The following TFB1M variants were observed in gnomAD, a reference collection of about 807,000 sequenced individuals.
TFB1M encodes the protein transcription factor B1, mitochondrial, also known as dimethyladenosine transferase 1, mitochondrial.
In TFB1M, 27 loss-of-function variants were observed where a neutral mutation model predicts 31.1. The observed-to-expected ratio is 0.87, with a 90% CI of 0.64 to 1.20. The LOEUF is 1.20. Among genes scored for constraint, TFB1M ranks in the 50% most tolerant of loss-of-function variants. The pLI, the probability that TFB1M is intolerant of heterozygous loss-of-function variation, is 0.00. For synonymous variants in TFB1M, 166 were observed against 151.8 expected (o/e 1.09, Z -0.69); for missense variants, 394 against 418.7 (o/e 0.94, Z 0.51).
At chr6:155,243,566 G>C in the TFB1M span, among the ~76,000 whole-genome samples, 1 of 152,146 alleles carries the variant, frequency 6.6e-6, no homozygotes, top group Non-Finnish European at 1.5e-5. Context: ...TTCAACAAAG[G>C]CTGGGTGTGG....
chr6:155,304,651 G>A (rs1297807806), intron 2 of TFB1M, among the ~76,000 whole-genome samples: 1 of 151,994 alleles, frequency 6.6e-6, no homozygotes, highest in African/African-American at 2.4e-5. Flanking sequence ...AGAGAAAAAA[G>A]AACAAAGGTA....
the TFB1M span, among the ~76,000 whole-genome samples, chr6:155,230,119 C>G: frequency 6.6e-6 from 1 of 152,004 alleles, no homozygotes; most frequent in Non-Finnish European, 1.5e-5. Flanking sequence ...CATGCTGTCA[C>G]CTGTAAGCTG....
intron 5 of TFB1M, among the ~76,000 whole-genome samples, chr6:155,283,773 T>C (rs1250169804): frequency 1.3e-5 from 2 of 152,222 alleles, no homozygotes; most frequent in African/African-American, 2.4e-5. Flanking sequence ...TAATGAGTCT[T>C]ACACTATTTA....
At chr6:155,298,378 A>G in intron 3 of TFB1M, 99 bp downstream of exon 3, 1 of 701,674 alleles carries the variant, frequency 1.4e-6, no homozygotes, top group Non-Finnish European at 2.5e-6. Context: ...TTTAAAATAT[A>G]AACATATAAG....
intron 5 of TFB1M, among the ~76,000 whole-genome samples, chr6:155,267,026 G>C (rs1784682189): frequency 6.8e-6 from 1 of 147,316 alleles, no homozygotes; most frequent in Non-Finnish European, 1.5e-5. Flanking sequence ...CTGGAGTGCA[G>C]TGCAGTGGCA....
the TFB1M span, among the ~76,000 whole-genome samples, chr6:155,241,761 A>C: frequency 8.5e-5 from 13 of 152,202 alleles, no homozygotes; most frequent in African/African-American, 3.1e-4. Flanking sequence ...CTTGTCCTGC[A>C]TCCAGGGTGT....
At chr6:155,296,039 A>C (rs1343233558) in intron 4 of TFB1M, among the ~76,000 whole-genome samples, 2 of 152,048 alleles carry the variant, frequency 1.3e-5, no homozygotes, top group African/African-American at 4.8e-5. Context: ...TTAAAAAACC[A>C]CTTAAGAGTC....
chr6:155,294,082 C>G (rs1777053359), intron 4 of TFB1M, among the ~76,000 whole-genome samples: 1 of 152,102 alleles, frequency 6.6e-6, no homozygotes, highest in Admixed American at 6.5e-5. Context: ...CCAATGCTGA[C>G]AGAGGTGCTG....
chr6:155,272,389 CT>C (rs940811103), intron 5 of TFB1M, among the ~76,000 whole-genome samples: 6 of 152,198 alleles, frequency 3.9e-5, no homozygotes, highest in East Asian at 1.9e-4. Context: ...AGTTCATAAA[CT>C]GAAGGTGCCT....
the TFB1M span, chr6:155,240,739 G>T: frequency 1.3e-6 from 2 of 1,587,834 alleles, no homozygotes; most frequent in Non-Finnish European, 1.7e-6. Flanking sequence ...TTATGCATTC[G>T]TGCCTCTTTG....
chr6:155,293,820 G>A (rs977912791), intron 4 of TFB1M, among the ~76,000 whole-genome samples: 2 of 151,906 alleles, frequency 1.3e-5, no homozygotes, highest in African/African-American at 4.8e-5. Context: ...GTTATATTTA[G>A]TTTTCTATTT....
At chr6:155,309,312 G>A (rs1562429329) in intron 2 of TFB1M, among the ~76,000 whole-genome samples, 1 of 152,196 alleles carries the variant, frequency 6.6e-6, no homozygotes, top group Admixed American at 6.5e-5. Context: ...ACGTGAGATA[G>A]AGGTACAGCA....
At chr6:155,258,503 C>T (rs1784226610) in intron 6 of TFB1M, among the ~76,000 whole-genome samples, 1 of 151,868 alleles carries the variant, frequency 6.6e-6, no homozygotes, top group African/African-American at 2.4e-5. Flanking sequence ...GCCTTTAGAA[C>T]TCTTCACGCT....
At chr6:155,305,063 A>G (rs909674809) in intron 2 of TFB1M, among the ~76,000 whole-genome samples, 15 of 141,020 alleles carry the variant, frequency 1.1e-4, no homozygotes, top group African/African-American at 3.9e-4. Flanking sequence ...CAAAGACCTA[A>G]ATGTAAAAGC....
At chr6:155,293,615 A>C (rs1028325273) in intron 4 of TFB1M, among the ~76,000 whole-genome samples, 8 of 152,172 alleles carry the variant, frequency 5.3e-5, no homozygotes, top group African/African-American at 1.9e-4. Context: ...CTTTAAAATA[A>C]TCATTTTTCC....
the TFB1M span, among the ~76,000 whole-genome samples, chr6:155,237,310 T>C: frequency 1.3e-5 from 2 of 152,208 alleles, no homozygotes; most frequent in Non-Finnish European, 2.9e-5. Context: ...TGGTCTTGGG[T>C]AGCTCTGTCC....
chr6:155,253,803 C>T (rs1221315900), downstream of TFB1M: 1 of 548,080 alleles, frequency 1.8e-6, no homozygotes, highest in Admixed American at 3.6e-5. Flanking sequence ...AAAGGCATTT[C>T]AGTTCTTGTA....
chr6:155,276,304 C>G (rs1583331850), intron 5 of TFB1M: 1 of 1,613,900 alleles, frequency 6.2e-7, no homozygotes, highest in Non-Finnish European at 8.5e-7. Context: ...CTAGACTCGA[C>G]CCACCCACAC....
In TFB1M at chr6:155,256,500, A is replaced by G. The variant is rs1188828464; in HGVS notation, c.*1336T>C. 6.2e-7 allele frequency: 1 copy of G among 1,614,076 alleles called. No individual in the cohort carries two copies. Among genetic ancestry groups the G allele is most frequent in the African/African-American group, 1.3e-5 (1 of 74,938 alleles). ...TCACTGTAGCTTCATCCAGGTCTTT[A>G]AAAGTCCTGAAGAATTCCTCCAGCA... On this transcript the variant is annotated 3_prime_UTR_variant, in exon 7 of 7. Transcript: ENST00000367166.
Sources: allele counts gnomAD v4.1 joint callset (sites outside exome capture counted in the v4.1 genomes callset), GRCh38; gene constraint gnomAD v4.1.1; transcripts MANE v1.5; gene names NCBI Gene and HGNC (gene_info 2026-07-23, HGNC 2026-07-21).